Variants in SUGCT observed in about 807,000 individuals in gnomAD.
SUGCT encodes succinyl-CoA:glutarate-CoA transferase.
In SUGCT, 41 loss-of-function variants were observed where a neutral mutation model predicts 55.0. The observed-to-expected ratio is 0.74, with a 90% confidence interval of 0.58 to 0.97. The LOEUF (loss-of-function observed/expected upper bound fraction) is 0.97, where lower values mean the gene tolerates loss of function less well. Ranked by LOEUF, SUGCT falls within the 50% of genes least tolerant of loss-of-function variation. The probability of loss-of-function intolerance (pLI) is 0.00; values close to 1 mark genes in which losing one functional copy is unlikely to be tolerated. For synonymous variants in SUGCT, 187 were observed against 200.4 expected (o/e 0.93, Z 0.56); for missense variants, 568 against 547.8 (o/e 1.04, Z -0.37).
chr7:40,850,505 G>A (rs1793798248), intron 13 of SUGCT, among the ~76,000 whole-genome samples: 1 of 152,144 alleles, frequency 6.6e-6, no homozygotes, highest in South Asian at 2.1e-4. Context: ...GGTATAAAAT[G>A]AATTTCTGGT....
At chr7:40,730,966 A>G (rs1006692608) in intron 12 of SUGCT, among the ~76,000 whole-genome samples, 3 of 152,206 alleles carry the variant, frequency 2.0e-5, no homozygotes, top group African/African-American at 2.4e-5. Context: ...TAATGCTTCA[A>G]TGAATGGACA....
chr7:40,376,044 G>C (rs868760977), intron 9 of SUGCT, among the ~76,000 whole-genome samples: 4 of 152,130 alleles, frequency 2.6e-5, no homozygotes, highest in Non-Finnish European at 5.9e-5. Flanking sequence ...AGCAACAGGG[G>C]ACCTTATATG....
chr7:40,783,193 C>T lies in SUGCT; in HGVS notation c.1153+33696C>T, dbSNP rs762918211. ...TAGTCACAACATCCAAAAGCTTGCC[C>T]TGTGGAGACCAACTGATGCCAGCCA... On this transcript the variant is annotated intron_variant, in intron 13 of 13. Coordinates refer to ENST00000335693, the MANE Select transcript of SUGCT (RefSeq NM_001193313.2). 2.0e-5 allele frequency among the ~76,000 whole-genome samples: 3 copies of T among 152,120 alleles called. No homozygotes were observed. The South Asian group carries it at 6.2e-4, about 32-fold the overall frequency.
intron 12 of SUGCT, among the ~76,000 whole-genome samples, chr7:40,616,816 A>G (rs1418548571): frequency 6.6e-6 from 1 of 152,172 alleles, no homozygotes; most frequent in African/African-American, 2.4e-5. Flanking sequence ...CTCAAGTAGC[A>G]TTTTGGTCTG....
intron 8 of SUGCT, among the ~76,000 whole-genome samples, chr7:40,315,394 C>A (rs1402234872): frequency 1.3e-5 from 2 of 152,228 alleles, no homozygotes; most frequent in Admixed American, 1.3e-4. Context: ...CTGGAATGCT[C>A]CATGGTTCAA....
chr7:40,722,861 T>C (rs1259227626), intron 12 of SUGCT, among the ~76,000 whole-genome samples: 3 of 152,158 alleles, frequency 2.0e-5, no homozygotes, highest in African/African-American at 7.2e-5. Context: ...TGAAGCGATA[T>C]CCTTCAATCT....
intron 12 of SUGCT, among the ~76,000 whole-genome samples, chr7:40,738,853 T>C (rs1355406948): frequency 6.6e-6 from 1 of 152,208 alleles, no homozygotes. Flanking sequence ...TATGCCATTA[T>C]TCCTTGTCAC....
At chr7:40,645,567 A>G (rs1014306574) in intron 12 of SUGCT, among the ~76,000 whole-genome samples, 2 of 152,212 alleles carry the variant, frequency 1.3e-5, no homozygotes, top group African/African-American at 4.8e-5. Flanking sequence ...CTCCTCAGAA[A>G]GACACTACCT....
intron 13 of SUGCT, among the ~76,000 whole-genome samples, chr7:40,847,411 C>CTTTTT (rs981613426): frequency 1.9e-3 from 146 of 75,372 alleles, no homozygotes; most frequent in Non-Finnish European, 2.2e-3. Context: ...TTCTTTCTTT[C>CTTTTT]TTTTTTTTTT....
At chr7:40,886,978 A>T in the SUGCT span, among the ~76,000 whole-genome samples, 1 of 152,188 alleles carries the variant, frequency 6.6e-6, no homozygotes, top group Non-Finnish European at 1.5e-5. Context: ...GGGATCTCCT[A>T]CTTCCGTTTC....
At chr7:40,147,668 CTCCGCGTTGCTGAGAGCTCGGGTTAT>C in intron 1 of SUGCT, among the ~76,000 whole-genome samples, 1 of 152,340 alleles carries the variant, frequency 6.6e-6, no homozygotes. Context: ...GCCAGTTTCT[CTCCGCGTTGCTGAGAGCTCGGGTTAT>C]TCCTCCCACT....
At chr7:40,972,839 G>A in the SUGCT span, among the ~76,000 whole-genome samples, 1 of 152,320 alleles carries the variant, frequency 6.6e-6, no homozygotes, top group East Asian at 1.9e-4. Context: ...CAAAGGGTTT[G>A]CACTGCTGTA....
At chr7:40,959,727 A>AC in the SUGCT span, among the ~76,000 whole-genome samples, 86 of 151,508 alleles carry the variant, frequency 5.7e-4, no homozygotes, top group Admixed American at 2.0e-3. Flanking sequence ...AAAAAAAAAA[A>AC]AAACTCCTAC....
At chr7:40,876,669 A>G in the SUGCT span, among the ~76,000 whole-genome samples, 1 of 152,164 alleles carries the variant, frequency 6.6e-6, no homozygotes, top group Non-Finnish European at 1.5e-5. Flanking sequence ...ACCACCATAA[A>G]TCAGAGGCTC....
At chr7:40,245,420 TA>T (rs1374426560) in intron 7 of SUGCT, among the ~76,000 whole-genome samples, 2 of 29,774 alleles carry the variant, frequency 6.7e-5, no homozygotes, top group Non-Finnish European at 1.2e-4. Context: ...TATATATATA[TA>T]TATTTTTTTT....
At chr7:40,614,619 T>C (rs1320720608) in intron 12 of SUGCT, among the ~76,000 whole-genome samples, 1 of 152,168 alleles carries the variant, frequency 6.6e-6, no homozygotes, top group Non-Finnish European at 1.5e-5. Context: ...TACCACAGTT[T>C]ATTAAAAACA....
chr7:40,954,880 T>C, the SUGCT span, among the ~76,000 whole-genome samples: 2 of 152,224 alleles, frequency 1.3e-5, no homozygotes, highest in Non-Finnish European at 1.5e-5. Context: ...CCCAACACCA[T>C]TTATTAAATA....
chr7:40,371,519 T>C (rs1389508403), intron 9 of SUGCT, among the ~76,000 whole-genome samples: 1 of 152,118 alleles, frequency 6.6e-6, no homozygotes, highest in Non-Finnish European at 1.5e-5. Context: ...CTAAAAGCAT[T>C]TTTAAATAAC....
chr7:40,495,905 A>G (rs1282818260), intron 11 of SUGCT, among the ~76,000 whole-genome samples: 1 of 152,218 alleles, frequency 6.6e-6, no homozygotes, highest in East Asian at 1.9e-4. Context: ...AGAATAATAT[A>G]TCAGTGCCTA....
Sources: allele counts gnomAD v4.1 joint callset (sites outside exome capture counted in the v4.1 genomes callset), GRCh38; gene constraint gnomAD v4.1.1; transcripts MANE v1.5; gene names NCBI Gene and HGNC (gene_info 2026-07-23, HGNC 2026-07-21).